AK4: variants seen among roughly 807,000 people sequenced by gnomAD.
The protein encoded by AK4 is adenylate kinase 4, also known as adenylate kinase 4, mitochondrial.
Under a neutral mutation model 24.6 loss-of-function variants are expected in AK4, and 13 were observed. The ratio of observed to expected loss-of-function variants is 0.53; its 90% CI spans 0.34 to 0.84. The LOEUF (loss-of-function observed/expected upper bound fraction) is 0.84, where lower values mean the gene tolerates loss of function less well. AK4 is among the 40% of genes least tolerant of loss of function. The probability of loss-of-function intolerance (pLI) is 0.01; values close to 1 mark genes in which losing one functional copy is unlikely to be tolerated. For missense variants in AK4, 192 were observed against 288.2 expected (o/e 0.67, Z 2.42); for synonymous variants, 88 against 107.0 (o/e 0.82, Z 1.10).
chr1:65,178,137 T>TGATA (rs1650780207), intron 1 of AK4, among the ~76,000 whole-genome samples: 1 of 152,124 alleles, frequency 6.6e-6, no homozygotes, highest in South Asian at 2.1e-4. Flanking sequence ...TTCAAAGGTA[T>TGATA]GATAATTCTT....
chr1:65,210,974 G>T (rs1651955348), intron 2 of AK4, among the ~76,000 whole-genome samples: 1 of 152,170 alleles, frequency 6.6e-6, no homozygotes, highest in African/African-American at 2.4e-5. Context: ...CTATATTCCT[G>T]TGAATCAACT....
intron 1 of AK4, chr1:65,154,619 C>G (rs188214721): frequency 2.0e-6 from 1 of 497,160 alleles, no homozygotes; most frequent in Non-Finnish European, 4.1e-6. Context: ...CGTCAGTACG[C>G]GAACGATATC....
At chr1:65,212,274 AAGAT>A (rs777946501) in intron 2 of AK4, among the ~76,000 whole-genome samples, 92 of 152,266 alleles carry the variant, frequency 6.0e-4, no homozygotes, top group Middle Eastern at 6.8e-3. Context: ...AGGTAGAAGA[AAGAT>A]AGACAGGGTA....
intron 1 of AK4, among the ~76,000 whole-genome samples, chr1:65,169,051 C>T (rs751048430): frequency 5.3e-5 from 8 of 151,778 alleles, no homozygotes; most frequent in Admixed American, 6.6e-5. Flanking sequence ...TGGTGTACCC[C>T]GGTAGTCCCA....
chr1:65,148,188 T>G, upstream of AK4: 1 of 945,420 alleles, frequency 1.1e-6, no homozygotes, highest in South Asian at 2.0e-5. Flanking sequence ...GGCGGGGAGG[T>G]GTAGCGTGGC....
intron 2 of AK4, among the ~76,000 whole-genome samples, chr1:65,212,285 G>C (rs1421599900): frequency 6.6e-6 from 1 of 151,994 alleles, no homozygotes. Flanking sequence ...AGATAGACAG[G>C]GTAACATTTT....
intron 1 of AK4, among the ~76,000 whole-genome samples, chr1:65,158,307 C>G (rs954605617): frequency 6.6e-6 from 1 of 152,136 alleles, no homozygotes; most frequent in Non-Finnish European, 1.5e-5. Flanking sequence ...GTTGAATTAC[C>G]TGTTCCCTTC....
In AK4 at chr1:65,187,094, T is replaced by C. The variant is rs147946252; in HGVS notation, c.146-3616T>C. 1.2e-3 allele frequency among the ~76,000 whole-genome samples: 182 copies of C among 151,772 alleles called. 4 individuals carry two copies. The East Asian group carries it at 0.034, about 29-fold the overall frequency. On this transcript the variant is annotated intron_variant, in intron 1 of 4. Transcript: ENST00000327299. ...GTCCAGGGAGGCCGGGCGCGGTGGC[T>C]CACGCTTGTAATCCCAGCACTTTGG...
intron 2 of AK4, among the ~76,000 whole-genome samples, chr1:65,209,992 G>C (rs1431582676): frequency 6.6e-6 from 1 of 152,016 alleles, no homozygotes; most frequent in Admixed American, 6.6e-5. Context: ...TTATTTTGTA[G>C]AGACAGGATC....
At chr1:65,181,013 G>A (rs1650886197) in intron 1 of AK4, among the ~76,000 whole-genome samples, 1 of 151,690 alleles carries the variant, frequency 6.6e-6, no homozygotes. Context: ...AGAACATTGA[G>A]TAATTATCTC....
intron 1 of AK4, among the ~76,000 whole-genome samples, chr1:65,179,549 C>A (rs1001045191): frequency 3.3e-5 from 5 of 152,290 alleles, no homozygotes; most frequent in African/African-American, 1.2e-4. Flanking sequence ...TATAAACTTT[C>A]TAGAATCGGC....
chr1:65,174,288 T>A (rs1249533686), intron 1 of AK4, among the ~76,000 whole-genome samples: 2 of 152,080 alleles, frequency 1.3e-5, no homozygotes, highest in Non-Finnish European at 2.9e-5. Context: ...GTTTTTTTTT[T>A]AACCTGATTA....
At chr1:65,163,440 A>G (rs1445141086) in intron 1 of AK4, among the ~76,000 whole-genome samples, 1 of 152,236 alleles carries the variant, frequency 6.6e-6, no homozygotes, top group Non-Finnish European at 1.5e-5. Context: ...GAGATACAGA[A>G]TGGCTGGATT....
intron 1 of AK4, among the ~76,000 whole-genome samples, chr1:65,173,446 G>A (rs1166211976): frequency 6.6e-6 from 1 of 151,976 alleles, no homozygotes; most frequent in Non-Finnish European, 1.5e-5. Flanking sequence ...TCTAATACTG[G>A]GTATTTTCTC....
intron 1 of AK4, among the ~76,000 whole-genome samples, chr1:65,168,690 AG>A (rs1162218392): frequency 1.3e-5 from 2 of 152,198 alleles, no homozygotes; most frequent in East Asian, 3.8e-4. Flanking sequence ...GCCTCATAAA[AG>A]CCTACCTACC....
intron 1 of AK4, among the ~76,000 whole-genome samples, chr1:65,171,272 A>T (rs1180621797): frequency 1.2e-4 from 13 of 104,686 alleles, no homozygotes; most frequent in African/African-American, 1.5e-4. Context: ...TTTTTTGGAT[A>T]TAGACTTATT....
chr1:65,164,309 A>G (rs949155015), intron 1 of AK4, among the ~76,000 whole-genome samples: 1 of 152,132 alleles, frequency 6.6e-6, no homozygotes, highest in African/African-American at 2.4e-5. Flanking sequence ...GATTTCTTTC[A>G]CTGTCATAAT....
chr1:65,155,035 G>T (rs942100001), intron 1 of AK4, among the ~76,000 whole-genome samples: 1 of 151,770 alleles, frequency 6.6e-6, no homozygotes, highest in Non-Finnish European at 1.5e-5. Context: ...ATTTTTAATA[G>T]AGACGGGGTT....
intron 3 of AK4, among the ~76,000 whole-genome samples, chr1:65,219,770 G>A (rs1273343806): frequency 1.3e-5 from 2 of 152,032 alleles, no homozygotes; most frequent in Non-Finnish European, 2.9e-5. Context: ...TTGCATTGAC[G>A]TTTTCGTTTT....
Sources: gnomAD v4.1 joint callset for allele counts (sites outside exome capture counted in the v4.1 genomes callset) on GRCh38, gnomAD v4.1.1 for gene constraint, MANE v1.5 for transcripts, NCBI Gene and HGNC (gene_info 2026-07-23, HGNC 2026-07-21) for gene names.